The following ANKRD31 variants were observed in gnomAD, a reference collection of about 807,000 sequenced individuals.
ANKRD31 encodes the protein ankyrin repeat domain-containing protein 31.
Under a neutral mutation model 186.0 loss-of-function variants are expected in ANKRD31, and 147 were observed. That is an observed-to-expected ratio of 0.79 (90% CI 0.69 to 0.91). The LOEUF (loss-of-function observed/expected upper bound fraction) is 0.91. ANKRD31 is among the 40% of genes least tolerant of loss of function. The pLI, the probability that ANKRD31 is intolerant of heterozygous loss-of-function variation, is 0.00. For synonymous variants in ANKRD31, 673 were observed against 736.4 expected (o/e 0.91, Z 1.39); for missense variants, 1,986 against 2,148.8 (o/e 0.92, Z 1.50).
intron 5 of ANKRD31, among the ~76,000 whole-genome samples, chr5:75,201,666 T>G (rs1486935276): frequency 1.3e-5 from 2 of 152,202 alleles, no homozygotes; most frequent in African/African-American, 2.4e-5. Flanking sequence ...ATCATCTGAA[T>G]GGACCCCTCT....
intron 10 of ANKRD31, among the ~76,000 whole-genome samples, chr5:75,183,360 A>G (rs1374204428): frequency 6.7e-4 from 102 of 152,310 alleles, no homozygotes; most frequent in Admixed American, 6.7e-3. Flanking sequence ...CTGGAAAAAG[A>G]CAAGAATGTC....
chr5:75,229,007 T>C (rs963740932), intron 2 of ANKRD31, among the ~76,000 whole-genome samples: 2 of 148,844 alleles, frequency 1.3e-5, no homozygotes, highest in African/African-American at 4.9e-5. Flanking sequence ...CCTTCGTGGG[T>C]GTTTAGGAAT....
chr5:75,193,584 T>A lies in ANKRD31; in HGVS notation c.1025A>T (p.Gln342Leu), dbSNP rs1170821702. The A allele has an allele frequency of 1.2e-5, 19 of 1,533,508 alleles. No homozygotes were observed. The highest frequency in any genetic ancestry group is 1.7e-5 in the Non-Finnish European group (19 of 1,144,724). The allele number at this position is 1,533,508 out of a possible 1,614,324, so 95.0% of individuals were successfully genotyped here. ...TTGCAATCCAGATGGATTTGGGTCT[T>A]GCAGAGTCTGCAAATACGTAAATAC... is the stretch of plus-strand genomic sequence containing the variant. Reference protein sequence around the residue: ...EDCTQIAETLQDPNPSGLQTL... With the variant: ...EDCTQIAETLLDPNPSGLQTL... The change falls in exon 8 of 26, where the codon CAA becomes CTA. Residue 342 changes from glutamine to leucine, a missense_variant. By Grantham distance (113) the Gln-to-Leu change is moderately radical. Coordinates refer to ENST00000506364, the MANE Select transcript of ANKRD31 (RefSeq NM_001372053.1).
At chr5:75,209,745 C>T (rs1756489656) in intron 4 of ANKRD31, among the ~76,000 whole-genome samples, 2 of 152,172 alleles carry the variant, frequency 1.3e-5, no homozygotes, top group South Asian at 4.1e-4. Flanking sequence ...TATTTCATCA[C>T]ACAGAATATT....
chr5:75,156,641 C>A (rs1417049403), intron 11 of ANKRD31, among the ~76,000 whole-genome samples: 2 of 152,098 alleles, frequency 1.3e-5, no homozygotes, highest in African/African-American at 4.8e-5. Flanking sequence ...GCCTTAAATA[C>A]CATCACAAGC....
intron 9 of ANKRD31, among the ~76,000 whole-genome samples, chr5:75,189,741 G>A (rs945109956): frequency 1.3e-5 from 2 of 152,114 alleles, no homozygotes; most frequent in Non-Finnish European, 2.9e-5. Flanking sequence ...AAAGCTGTAT[G>A]ATTTCTGTAG....
chr5:75,086,574 T>G (rs1163006539), intron 23 of ANKRD31, among the ~76,000 whole-genome samples: 1 of 152,186 alleles, frequency 6.6e-6, no homozygotes, highest in Non-Finnish European at 1.5e-5. Flanking sequence ...TAGCCTCCAG[T>G]GATCTCAGCA....
intron 10 of ANKRD31, among the ~76,000 whole-genome samples, chr5:75,187,111 TG>T (rs1466401399): frequency 7.0e-5 from 2 of 28,676 alleles, no homozygotes; most frequent in African/African-American, 7.8e-4. Flanking sequence ...GATTCTGTTT[TG>T]TGTGTGTGTG....
At chr5:75,175,661 ACAC>A (rs1753730623) in intron 10 of ANKRD31, among the ~76,000 whole-genome samples, 2 of 151,732 alleles carry the variant, frequency 1.3e-5, no homozygotes. Context: ...ACACACACAC[ACAC>A]ACACACACAC....
At chr5:75,127,789 GTCT>G (rs1749368937) in intron 17 of ANKRD31, among the ~76,000 whole-genome samples, 1 of 152,096 alleles carries the variant, frequency 6.6e-6, no homozygotes, top group Admixed American at 6.6e-5. Flanking sequence ...ATTTATTTAG[GTCT>G]TCTTTAATTA....
Position 75,174,939 on chromosome 5 carries a change from T to C in ANKRD31, c.1565-5818A>G, listed in dbSNP as rs181093661. ...AAAGACACATGCACATGTATGTTTT[T>C]TGTGGCACTATTCACAATAGCAAAG... On this transcript the variant is annotated intron_variant, in intron 10 of 25. Transcript: ENST00000506364. Among the ~76,000 whole-genome samples the C allele has an allele frequency of 7.4e-4, 113 of 152,338 alleles. 1 individual carries two copies. The highest frequency in any genetic ancestry group is 2.6e-3 in the African/African-American group (107 of 41,570).
At chr5:75,135,394 C>A (rs1365573914) in intron 17 of ANKRD31, among the ~76,000 whole-genome samples, 1 of 152,184 alleles carries the variant, frequency 6.6e-6, no homozygotes, top group African/African-American at 2.4e-5. Flanking sequence ...AGAGCCAAAT[C>A]ATGAGTGAAC....
At chr5:75,116,165 A>C (rs1395875944) in intron 19 of ANKRD31, among the ~76,000 whole-genome samples, 1 of 149,864 alleles carries the variant, frequency 6.7e-6, no homozygotes, top group South Asian at 2.1e-4. Context: ...AAGAACAAAA[A>C]ACCAAACACC....
chr5:75,136,847 AGTTC>A (rs1750621309), intron 17 of ANKRD31, among the ~76,000 whole-genome samples: 1 of 152,228 alleles, frequency 6.6e-6, no homozygotes, highest in Non-Finnish European at 1.5e-5. Context: ...AAAAAGGATG[AGTTC>A]ATGTCCTTTG....
intron 9 of ANKRD31, among the ~76,000 whole-genome samples, chr5:75,192,136 A>G (rs957155967): frequency 4.6e-5 from 7 of 152,180 alleles, no homozygotes; most frequent in African/African-American, 1.7e-4. Context: ...CTGCAGTATT[A>G]TTATCAAATT....
intron 22 of ANKRD31, among the ~76,000 whole-genome samples, chr5:75,097,904 T>A (rs932681608): frequency 5.3e-5 from 8 of 152,222 alleles, no homozygotes; most frequent in African/African-American, 1.7e-4. Flanking sequence ...GAACCATTTA[T>A]TAAATAGGGA....
intron 22 of ANKRD31, among the ~76,000 whole-genome samples, chr5:75,102,287 T>A (rs763088628): frequency 6.6e-6 from 1 of 152,194 alleles, no homozygotes; most frequent in Non-Finnish European, 1.5e-5. Flanking sequence ...TGATCCTTCC[T>A]CTGGAAGCTT....
chr5:75,188,676 A>G lies in ANKRD31; in HGVS notation c.1409-28T>C, dbSNP rs764999959. ...GAAATGAGGGAATGAACAAAAGAAA[A>G]AAATCATTATTTGAATATCAGAAGG... On this transcript the variant is annotated intron_variant, in intron 9 of 25. Transcript: ENST00000506364. The G allele has an allele frequency of 5.4e-5, 81 of 1,497,926 alleles. 3 individuals carry two copies. The highest frequency in any genetic ancestry group is 3.5e-4 in the Admixed American group (16 of 45,516). The allele number at this position is 1,497,926 out of a possible 1,614,324, so 92.8% of individuals were successfully genotyped here.
chr5:75,163,106 A>G (rs369172855), intron 11 of ANKRD31, among the ~76,000 whole-genome samples: 39 of 152,200 alleles, frequency 2.6e-4, no homozygotes, highest in African/African-American at 8.9e-4. Flanking sequence ...TTATTTTGGT[A>G]GTTCTTTTTG....
Sources: gnomAD v4.1 joint callset for allele counts (sites outside exome capture counted in the v4.1 genomes callset) on GRCh38, gnomAD v4.1.1 for gene constraint, MANE v1.5 for transcripts, NCBI Gene and HGNC (gene_info 2026-07-23, HGNC 2026-07-21) for gene names.